LMF1: variants seen among roughly 807,000 people sequenced by gnomAD.
The protein encoded by LMF1 is lipase maturation factor 1, also known as transmembrane protein 112.
LMF1 carries 68 observed loss-of-function variants against 60.6 expected under a neutral mutation model. That is an observed-to-expected ratio of 1.12 (90% CI 0.92 to 1.37). The LOEUF is 1.37. Among genes scored for constraint, LMF1 ranks in the 40% most tolerant of loss-of-function variants. The pLI, the probability that LMF1 is intolerant of heterozygous loss-of-function variation, is 0.00. For missense variants in LMF1, 948 were observed against 767.2 expected (o/e 1.24, Z -2.78); for synonymous variants, 418 against 324.7 (o/e 1.29, Z -3.09).
In LMF1 at chr16:930,846, C is replaced by T. The variant is rs147780207; in HGVS notation, c.514+3398G>A. Among the ~76,000 whole-genome samples, 717 of 152,214 alleles carry T rather than the reference C, an allele frequency of 4.7e-3. 7 individuals carry two copies. The highest frequency in any genetic ancestry group is 0.016 in the African/African-American group (665 of 41,542). ...GGGCTGAGAATGGTCTGGGGCCGGGCGCAATGGCTCATGCCTGTAATCCCA... is the reference window on the plus strand; with the variant it reads ...GGGCTGAGAATGGTCTGGGGCCGGGTGCAATGGCTCATGCCTGTAATCCCA... On this transcript the variant is annotated intron_variant, in intron 3 of 10. Transcript: ENST00000262301.
rs145808372 is a variant in LMF1 at position 871,153 on chromosome 16, C to T, written c.1078+8G>A. The T allele has an allele frequency of 5.6e-4, 883 of 1,572,652 alleles. 4 individuals are homozygous for T. The African/African-American group carries it at 9.8e-3, about 17-fold the overall frequency. ...CCTTGGGCAGGGGCCCCCAGCTGAGCCACCTACCGAATCTGGGCTCGGGCC... is the reference window on the plus strand; with the variant it reads ...CCTTGGGCAGGGGCCCCCAGCTGAGTCACCTACCGAATCTGGGCTCGGGCC... On this transcript the variant is annotated splice_region_variant and intron_variant, in intron 7 of 10. Coordinates refer to ENST00000262301, the MANE Select transcript of LMF1 (RefSeq NM_022773.4).
intron 10 of LMF1, among the ~76,000 whole-genome samples, chr16:865,096 T>C (rs1327680138): frequency 3.9e-5 from 6 of 152,236 alleles, no homozygotes; most frequent in African/African-American, 1.4e-4. Context: ...TGTGTTCCAA[T>C]GTATCTCTTA....
intron 3 of LMF1, among the ~76,000 whole-genome samples, chr16:913,064 G>GC (rs2071166130): frequency 6.6e-6 from 1 of 152,158 alleles, no homozygotes; most frequent in Admixed American, 6.5e-5. Context: ...AGCCGTCCTC[G>GC]CCCCCGCCTC....
chr16:957,992 A>G (rs1045809343), intron 1 of LMF1, among the ~76,000 whole-genome samples: 3 of 152,228 alleles, frequency 2.0e-5, no homozygotes, highest in African/African-American at 7.2e-5. Flanking sequence ...AATAAATAAA[A>G]AAACAAAGAA....
In LMF1 at chr16:889,358, G is replaced by A. The variant is rs139001324; in HGVS notation, c.729+3649C>T. On this transcript the variant is annotated intron_variant, in intron 5 of 10. Transcript: ENST00000262301. ...CGGTGAGTGTGGGGTGTGAGGCTGCGGATGGCCATGGGTGTGAGGCTGCGG... is the reference window on the plus strand; with the variant it reads ...CGGTGAGTGTGGGGTGTGAGGCTGCAGATGGCCATGGGTGTGAGGCTGCGG... Among the ~76,000 whole-genome samples the A allele has an allele frequency of 6.9e-3, 1,019 of 146,840 alleles. 15 individuals are homozygous for A. The highest frequency in any genetic ancestry group is 0.024 in the African/African-American group (953 of 39,464).
At chr16:884,974 G>A (rs1337591043) in intron 5 of LMF1, 1 of 152,266 alleles carries the variant, frequency 6.6e-6, no homozygotes, top group Non-Finnish European at 1.5e-5. Flanking sequence ...ATGGAAAAAA[G>A]AGCTCCGGAA....
At chr16:956,925 C>T (rs897193430) in intron 1 of LMF1, among the ~76,000 whole-genome samples, 4 of 151,288 alleles carry the variant, frequency 2.6e-5, no homozygotes, top group African/African-American at 4.9e-5. Context: ...GAGGCTGAGG[C>T]GGGTGGATCA....
rs1329937063 is a variant in LMF1 at position 878,177 on chromosome 16, C to G, written c.897+1393G>C. 1.3e-5 allele frequency among the ~76,000 whole-genome samples: 2 copies of G among 152,162 alleles called. No homozygotes were observed. The highest frequency in any genetic ancestry group is 2.9e-5 in the Non-Finnish European group (2 of 68,020). On this transcript the variant is annotated intron_variant, in intron 6 of 10. Transcript: ENST00000262301. This position sits in a 1 kb window ranked among gnomAD's most constrained non-coding sequence, Gnocchi z 5.2. ...TCCGGCTACATGGAACCGACTGAAG[C>G]TATTCCAGGAGCCCTGAGCAGCTGC...
intron 3 of LMF1, among the ~76,000 whole-genome samples, chr16:918,860 A>G (rs138635840): frequency 6.8e-6 from 1 of 147,958 alleles, no homozygotes; most frequent in Non-Finnish European, 1.5e-5. Context: ...CCCGACTCTC[A>G]CGTGGGGCCA....
In LMF1 at chr16:921,493, C is replaced by T. The variant is rs528041343; in HGVS notation, c.515-10414G>A. On this transcript the variant is annotated intron_variant, in intron 3 of 10. Coordinates refer to ENST00000262301, the MANE Select transcript of LMF1 (RefSeq NM_022773.4). ...GGAGTGTGTGGGGGCAGGGACAAAACGCTCCACGCGTTCTCACAGGGACTC... is the reference window on the plus strand; with the variant it reads ...GGAGTGTGTGGGGGCAGGGACAAAATGCTCCACGCGTTCTCACAGGGACTC... Among the ~76,000 whole-genome samples, 23 of 152,372 alleles carry T rather than the reference C, an allele frequency of 1.5e-4. No individual in the cohort carries two copies. The East Asian group carries it at 1.7e-3, about 11-fold the overall frequency.
intron 6 of LMF1, among the ~76,000 whole-genome samples, chr16:877,219 G>A (rs1488316509): frequency 6.6e-6 from 1 of 152,218 alleles, no homozygotes; most frequent in Non-Finnish European, 1.5e-5. Context: ...CCGGCTACTT[G>A]AGAGGCTATA....
chr16:922,555 G>T (rs1400772945), intron 3 of LMF1, among the ~76,000 whole-genome samples: 1 of 150,624 alleles, frequency 6.6e-6, no homozygotes, highest in Admixed American at 6.6e-5. Context: ...TGGTGTTGGT[G>T]TCGTGTTGTT....
intron 5 of LMF1, among the ~76,000 whole-genome samples, chr16:880,676 C>G (rs536611994): frequency 6.6e-6 from 1 of 152,324 alleles, no homozygotes; most frequent in South Asian, 2.1e-4. Flanking sequence ...ATCAGACAGT[C>G]GATCCATCAA....
In LMF1 at chr16:853,924, T is replaced by C. The variant is rs1221758197; in HGVS notation, c.*608A>G. 2 of 453,952 alleles carry C rather than the reference T, an allele frequency of 4.4e-6. No homozygotes were observed. Among genetic ancestry groups the C allele is most frequent in the African/African-American group, 4.0e-5 (2 of 49,982 alleles). 28.1% of individuals were successfully genotyped at this position (453,952 alleles called of 1,614,324 possible). On this transcript the variant is annotated 3_prime_UTR_variant, in exon 11 of 11. Coordinates refer to ENST00000262301, the MANE Select transcript of LMF1 (RefSeq NM_022773.4). Reference sequence around the variant, plus strand: ...AGAACACATGTGTGCACAGGCTGTGTGTGCCTGCATGTGTGGGATGCGTGT... The same window carrying C: ...AGAACACATGTGTGCACAGGCTGTGCGTGCCTGCATGTGTGGGATGCGTGT...
intron 5 of LMF1, among the ~76,000 whole-genome samples, chr16:882,362 A>C (rs1292627307): frequency 6.6e-6 from 1 of 152,206 alleles, no homozygotes; most frequent in Non-Finnish European, 1.5e-5. Flanking sequence ...AGCGTGAGTG[A>C]TGTTCTGAAC....
At chr16:867,788 G>C (rs988152938) in intron 10 of LMF1, among the ~76,000 whole-genome samples, 2 of 152,096 alleles carry the variant, frequency 1.3e-5, no homozygotes, top group Admixed American at 6.5e-5. Flanking sequence ...AGCTCCCTGT[G>C]ATACCCGTGC....
chr16:894,138 G>A (rs376958886), intron 4 of LMF1, among the ~76,000 whole-genome samples: 2 of 45,728 alleles, frequency 4.4e-5, no homozygotes, highest in Non-Finnish European at 8.3e-5. Flanking sequence ...CTGCCCACCC[G>A]TCCCCTGTCC....
At chr16:938,698 G>A (rs779366106) in intron 2 of LMF1, among the ~76,000 whole-genome samples, 3 of 152,248 alleles carry the variant, frequency 2.0e-5, no homozygotes, top group Non-Finnish European at 4.4e-5. Flanking sequence ...GGAGCACCAA[G>A]TGCATGTGTG....
Position 910,963 on chromosome 16 carries a change from G to C in LMF1, c.631C>G (p.Arg211Gly). 6.2e-7 allele frequency: 1 copy of C among 1,612,968 alleles called. No homozygotes were observed. Among genetic ancestry groups the C allele is most frequent in the Non-Finnish European group, 8.5e-7 (1 of 1,179,872 alleles). Residue 211 changes from arginine to glycine, a missense_variant, in exon 4 of 11, where the codon CGG becomes GGG. Physicochemically the swap from Arg to Gly is moderately radical, Grantham distance 125 (BLOSUM62 -2). Coordinates refer to ENST00000262301, the MANE Select transcript of LMF1 (RefSeq NM_022773.4). ...PTSRIVLWGF[R>G]WLIFRIMLGA... is the part of the protein sequence containing the mutation. ...AGCATGATCCTGAAGATCAGCCACC[G>C]GAAGCCCCACAGGACAATCCGGGAT...
Sources: allele counts gnomAD v4.1 joint callset (sites outside exome capture counted in the v4.1 genomes callset), GRCh38; gene constraint gnomAD v4.1.1; non-coding constraint Gnocchi (gnomAD v3.1); transcripts MANE v1.5; gene names NCBI Gene and HGNC (gene_info 2026-07-23, HGNC 2026-07-21).